The following VKORC1L1 variants were observed in gnomAD, a reference collection of about 807,000 sequenced individuals.
The protein encoded by VKORC1L1 is vitamin K epoxide reductase complex subunit 1L1, also known as vitamin K epoxide reductase complex subunit 1-like protein 1.
VKORC1L1 carries 2 observed loss-of-function variants against 18.9 expected under a neutral mutation model. The observed-to-expected ratio is 0.11, with a 90% CI of 0.04 to 0.33. The LOEUF (loss-of-function observed/expected upper bound fraction) is 0.33, where lower values mean the gene tolerates loss of function less well. Among genes scored for constraint, VKORC1L1 ranks in the 10% least tolerant of loss-of-function variants. The pLI is 1.00. For synonymous variants in VKORC1L1, 96 were observed against 100.0 expected (o/e 0.96, Z 0.24); for missense variants, 123 against 224.1 (o/e 0.55, Z 2.88).
At chr7:65,917,061 C>A (rs1232489637) in intron 1 of VKORC1L1, among the ~76,000 whole-genome samples, 2 of 152,126 alleles carry the variant, frequency 1.3e-5, no homozygotes, top group Non-Finnish European at 2.9e-5. Flanking sequence ...ATTAGCATAT[C>A]ACGTAATTAG....
At chr7:65,895,506 TATATATATATACACACACAC>T (rs1789191105) in intron 1 of VKORC1L1, among the ~76,000 whole-genome samples, 2 of 94,326 alleles carry the variant, frequency 2.1e-5, no homozygotes, top group African/African-American at 8.1e-5. Flanking sequence ...TATATATATA[TATATATATATACACACACAC>T]ACACACACAC....
At chr7:65,871,069 T>C (rs6945322), upstream of VKORC1L1, among the ~76,000 whole-genome samples, 78,531 of 152,152 alleles carry the variant, frequency 0.52, 21,233 homozygotes, top group East Asian at 0.81. Context: ...CCACCCCACC[T>C]GGGCAGAGCA....
At chr7:65,866,699 C>T in the VKORC1L1 span, among the ~76,000 whole-genome samples, 1 of 152,008 alleles carries the variant, frequency 6.6e-6, no homozygotes, top group Admixed American at 6.6e-5. Flanking sequence ...CACTTGAGCC[C>T]AAAAGGTTGA....
intron 1 of VKORC1L1, among the ~76,000 whole-genome samples, chr7:65,945,019 G>A (rs759322084): frequency 6.9e-4 from 105 of 152,220 alleles, no homozygotes; most frequent in South Asian, 8.3e-4. Flanking sequence ...CTAGCACTTT[G>A]GGAGGCCAAG....
chr7:65,910,382 C>G (rs1009016113), intron 1 of VKORC1L1, among the ~76,000 whole-genome samples: 6 of 152,108 alleles, frequency 3.9e-5, no homozygotes, highest in African/African-American at 1.4e-4. Context: ...GATCACACAC[C>G]AAGCAGTGTG....
Position 65,873,370 on chromosome 7 carries a change from A to C in VKORC1L1, c.-2A>C. ...GGAGGCGGCGGCGGCGGCGGCGGGA[A>C]GATGGCGGCTCCCGTCCTGCTAAGA... On this transcript the variant is annotated 5_prime_UTR_variant, in exon 1 of 3. Coordinates refer to ENST00000360768, the MANE Select transcript of VKORC1L1 (RefSeq NM_173517.6). The C allele has an allele frequency of 6.8e-7, 1 of 1,460,496 alleles. No homozygotes were observed. The allele number at this position is 1,460,496 out of a possible 1,614,324, so 90.5% of individuals were successfully genotyped here.
intron 1 of VKORC1L1, among the ~76,000 whole-genome samples, chr7:65,887,035 G>C (rs1479429085): frequency 6.6e-5 from 10 of 150,406 alleles, no homozygotes; most frequent in Non-Finnish European, 3.0e-5. Flanking sequence ...GTTTTTAGTA[G>C]AGATGAGGTT....
At chr7:65,912,059 G>A (rs1326685475) in intron 1 of VKORC1L1, among the ~76,000 whole-genome samples, 1 of 152,172 alleles carries the variant, frequency 6.6e-6, no homozygotes, top group East Asian at 1.9e-4. Flanking sequence ...GGGAAACAGA[G>A]GTTGCAGTGA....
intron 1 of VKORC1L1, among the ~76,000 whole-genome samples, chr7:65,886,545 T>C (rs1789014344): frequency 6.6e-6 from 1 of 152,056 alleles, no homozygotes; most frequent in East Asian, 1.9e-4. Flanking sequence ...TATTATTTTA[T>C]TTATTTTTTT....
Position 65,949,094 on chromosome 7 carries a change from A to G in VKORC1L1, c.304+314A>G, listed in dbSNP as rs374633633. Among the ~76,000 whole-genome samples, 32 of 152,272 alleles carry G rather than the reference A, an allele frequency of 2.1e-4. No individual in the cohort carries two copies. The East Asian group carries it at 5.6e-3, about 27-fold the overall frequency. ...TTTATAGACTCAGTGGCCTTGAAAA[A>G]TATCATATATTAAGGGGACATTAAC... On this transcript the variant is annotated intron_variant, in intron 2 of 2. Transcript: ENST00000360768.
chr7:65,889,321 C>T, intron 1 of VKORC1L1, among the ~76,000 whole-genome samples: 1 of 152,122 alleles, frequency 6.6e-6, no homozygotes, highest in African/African-American at 2.4e-5. Context: ...TTGGATGTCC[C>T]AAAACTAATA....
chr7:65,955,268 A>G lies in VKORC1L1; in HGVS notation c.*968A>G, dbSNP rs771877622. 1.2e-4 allele frequency: 18 copies of G among 152,224 alleles called. No individual in the cohort carries two copies. The highest frequency in any genetic ancestry group is 1.6e-4 in the Non-Finnish European group (11 of 68,046). The allele number at this position is 152,224 out of a possible 1,614,324, so 9.4% of individuals were successfully genotyped here. On this transcript the variant is annotated 3_prime_UTR_variant, in exon 3 of 3. Coordinates refer to ENST00000360768, the MANE Select transcript of VKORC1L1 (RefSeq NM_173517.6). ...TTTTCCTTAACGTTGGTGCCAGTCA[A>G]GCAAAGAGTATTATGATGGAAAAGA...
chr7:65,919,220 A>G (rs897030124), intron 1 of VKORC1L1, among the ~76,000 whole-genome samples: 1 of 152,192 alleles, frequency 6.6e-6, no homozygotes, highest in Non-Finnish European at 1.5e-5. Flanking sequence ...GCTAATAGTC[A>G]TATGTTTATT....
In VKORC1L1 at chr7:65,955,367, A is replaced by G. The variant is rs1790277968; in HGVS notation, c.*1067A>G. On this transcript the variant is annotated 3_prime_UTR_variant, in exon 3 of 3. Transcript: ENST00000360768. Reference sequence around the variant, plus strand: ...TTGTTTCTTTCTGCACTAACCACTCAGATGTCTAATTTAATTGTTTTGCAG... The same window carrying G: ...TTGTTTCTTTCTGCACTAACCACTCGGATGTCTAATTTAATTGTTTTGCAG... The G allele has an allele frequency of 6.6e-6, 1 of 152,196 alleles. No homozygotes were observed. Among genetic ancestry groups the G allele is most frequent in the Non-Finnish European group, 1.5e-5 (1 of 68,042 alleles). The allele number at this position is 152,196 out of a possible 1,614,324, so 9.4% of individuals were successfully genotyped here.
chr7:65,870,820 A>T (rs1204816633), upstream of VKORC1L1, among the ~76,000 whole-genome samples: 2 of 152,160 alleles, frequency 1.3e-5, no homozygotes, highest in African/African-American at 4.8e-5. Flanking sequence ...TCATTCTGTC[A>T]TCCAGGCTGG....
upstream of VKORC1L1, among the ~76,000 whole-genome samples, chr7:65,868,918 A>G (rs1254461842): frequency 1.3e-5 from 2 of 152,034 alleles, no homozygotes; most frequent in Non-Finnish European, 1.5e-5. Context: ...CAATATATGC[A>G]TATAGCACTC....
At chr7:65,893,670 A>G (rs1789144414) in intron 1 of VKORC1L1, among the ~76,000 whole-genome samples, 1 of 152,258 alleles carries the variant, frequency 6.6e-6, no homozygotes, top group Non-Finnish European at 1.5e-5. Context: ...AGTAAAAATA[A>G]ATAAATTTCC....
intron 1 of VKORC1L1, among the ~76,000 whole-genome samples, chr7:65,908,522 C>T (rs535403645): frequency 6.6e-6 from 1 of 151,850 alleles, no homozygotes; most frequent in Non-Finnish European, 1.5e-5. Context: ...TTTCTCAAAC[C>T]ACTGAAGGCA....
At chr7:65,946,696 G>A (rs1196137921) in intron 1 of VKORC1L1, among the ~76,000 whole-genome samples, 1 of 152,144 alleles carries the variant, frequency 6.6e-6, no homozygotes, top group Non-Finnish European at 1.5e-5. Flanking sequence ...TAGAATTTAA[G>A]GTCCACAAGG....
Sources: gnomAD v4.1 joint callset for allele counts (sites outside exome capture counted in the v4.1 genomes callset) on GRCh38, gnomAD v4.1.1 for gene constraint, MANE v1.5 for transcripts, NCBI Gene and HGNC (gene_info 2026-07-23, HGNC 2026-07-21) for gene names.